Variants in NFIA observed in about 807,000 individuals in gnomAD.
The protein encoded by NFIA is nuclear factor 1 A-type.
A neutral mutation model predicts 62.8 loss-of-function variants in NFIA; 8 were observed. The ratio of observed to expected loss-of-function variants is 0.13; its 90% confidence interval spans 0.07 to 0.23. The LOEUF is 0.23. NFIA is among the 10% of genes least tolerant of loss of function. The pLI, the probability that NFIA is intolerant of heterozygous loss-of-function variation, is 1.00. For synonymous variants in NFIA, 235 were observed against 238.1 expected (o/e 0.99, Z 0.12); for missense variants, 410 against 642.1 (o/e 0.64, Z 3.91).
At chr1:61,311,181 C>T (rs867034378) in intron 3 of NFIA, among the ~76,000 whole-genome samples, 2 of 152,106 alleles carry the variant, frequency 1.3e-5, no homozygotes, top group African/African-American at 2.4e-5. Context: ...CAGCTGAGGT[C>T]GGAAGTTCGA....
At chr1:61,291,001 G>A (rs781140029) in intron 3 of NFIA, among the ~76,000 whole-genome samples, 1 of 152,170 alleles carries the variant, frequency 6.6e-6, no homozygotes, top group Non-Finnish European at 1.5e-5. Context: ...AGCAAAGATG[G>A]TAAATTAAAT....
rs74318539 is a variant in NFIA at position 61,237,227 on chromosome 1, T to A, written c.560-40293T>A. 1.5e-3 allele frequency among the ~76,000 whole-genome samples: 223 copies of A among 152,362 alleles called. 5 individuals are homozygous for A. The East Asian group carries it at 0.038, about 26-fold the overall frequency. ...TGAGAACATCAAACTTACATAGCCA[T>A]GTCGCAAGTCAAAGCACTCTCCCAA... On this transcript the variant is annotated intron_variant, in intron 2 of 10. Transcript: ENST00000403491.
At chr1:61,290,857 C>T (rs1359136183) in intron 3 of NFIA, among the ~76,000 whole-genome samples, 1 of 152,168 alleles carries the variant, frequency 6.6e-6, no homozygotes, top group African/African-American at 2.4e-5. Context: ...TATAAAGCTG[C>T]ACTGGCTGAA....
chr1:61,277,374 T>C lies in NFIA; in HGVS notation c.560-146T>C, dbSNP rs763699513. 6.7e-5 allele frequency: 48 copies of C among 719,192 alleles called. 2 individuals carry two copies. The highest frequency in any genetic ancestry group is 5.3e-4 in the South Asian group (29 of 54,766). The allele number at this position is 719,192 out of a possible 1,614,324, so 44.6% of individuals were successfully genotyped here. ...TCCCTCTCTTTCTTTTCTCTTTCCATCTTTTCTTTTTTTCATGTCTCATGT... is the reference window on the plus strand; with the variant it reads ...TCCCTCTCTTTCTTTTCTCTTTCCACCTTTTCTTTTTTTCATGTCTCATGT... On this transcript the variant is annotated intron_variant, in intron 2 of 10. Coordinates refer to ENST00000403491, the MANE Select transcript of NFIA (RefSeq NM_001134673.4).
chr1:61,393,064 C>T (rs1665063976), intron 7 of NFIA, among the ~76,000 whole-genome samples: 2 of 151,936 alleles, frequency 1.3e-5, no homozygotes, highest in South Asian at 2.1e-4. Context: ...TGGTATCGTA[C>T]GCTTGGACTG....
intron 10 of NFIA, among the ~76,000 whole-genome samples, chr1:61,434,446 C>G (rs1667242881): frequency 6.6e-6 from 1 of 152,178 alleles, no homozygotes. Context: ...CACTTGGCGG[C>G]TGACTCACTG....
At chr1:61,225,122 T>TA (rs925206693) in intron 2 of NFIA, among the ~76,000 whole-genome samples, 1 of 151,992 alleles carries the variant, frequency 6.6e-6, no homozygotes, top group African/African-American at 2.4e-5. Context: ...TTCTATCACT[T>TA]ATATATTTTG....
At chr1:61,449,581 G>T (rs1175681811) in intron 10 of NFIA, among the ~76,000 whole-genome samples, 5 of 152,170 alleles carry the variant, frequency 3.3e-5, no homozygotes, top group Non-Finnish European at 7.3e-5. Context: ...CTGTGCCCAG[G>T]CCTGGCAGGG....
rs116206677 is a variant in NFIA, at chr1:61,403,843, C to G, written c.1076-261C>G. 2.0e-3 allele frequency among the ~76,000 whole-genome samples: 301 copies of G among 152,232 alleles called. 1 individual carries two copies. The highest frequency in any genetic ancestry group is 6.9e-3 in the African/African-American group (288 of 41,544). On this transcript the variant is annotated intron_variant, in intron 7 of 10. Transcript: ENST00000403491. ...AGGTAATGAATAATCTTCAGCCTCA[C>G]CAAGGATTATTAATGCCTTTATAAC... is the stretch of plus-strand genomic sequence containing the variant.
intron 2 of NFIA, among the ~76,000 whole-genome samples, chr1:61,169,136 G>A (rs546833374): frequency 2.3e-4 from 35 of 152,136 alleles, no homozygotes; most frequent in Non-Finnish European, 4.7e-4. Context: ...AGGAAAAAAA[G>A]TCATTTTAGT....
chr1:61,147,299 C>T (rs1019203537), intron 2 of NFIA, among the ~76,000 whole-genome samples: 1 of 152,072 alleles, frequency 6.6e-6, no homozygotes, highest in African/African-American at 2.4e-5. Context: ...TACAGGTGGG[C>T]ACCACCATGC....
intron 3 of NFIA, among the ~76,000 whole-genome samples, chr1:61,319,001 G>A (rs1244476612): frequency 6.6e-6 from 1 of 152,160 alleles, no homozygotes; most frequent in African/African-American, 2.4e-5. Context: ...TGCCCTTTCA[G>A]TAATCATATG....
chr1:61,121,492 A>G (rs1001217858), intron 2 of NFIA, among the ~76,000 whole-genome samples: 8 of 152,224 alleles, frequency 5.3e-5, no homozygotes. Context: ...TTGCCCTGGA[A>G]TTAATTTTCA....
At chr1:61,359,308 C>A (rs1469726312) in intron 6 of NFIA, 34 bp downstream of exon 6, 2 of 1,611,428 alleles carry the variant, frequency 1.2e-6, no homozygotes, top group African/African-American at 1.3e-5. Flanking sequence ...ATGTGGCTAA[C>A]ACTGTGAAAC....
intron 7 of NFIA, among the ~76,000 whole-genome samples, chr1:61,395,837 G>A (rs543958701): frequency 1.3e-5 from 2 of 152,272 alleles, no homozygotes; most frequent in Admixed American, 1.3e-4. Flanking sequence ...AAATATTACA[G>A]TCTCCCCAAA....
At chr1:61,340,416 C>T (rs1003163478) in intron 4 of NFIA, among the ~76,000 whole-genome samples, 2 of 152,144 alleles carry the variant, frequency 1.3e-5, no homozygotes, top group African/African-American at 4.8e-5. Flanking sequence ...CAATATTTAA[C>T]CCCTCTTGGC....
intron 3 of NFIA, among the ~76,000 whole-genome samples, chr1:61,293,735 A>ACAT (rs1275581618): frequency 6.6e-6 from 1 of 152,246 alleles, no homozygotes; most frequent in Non-Finnish European, 1.5e-5. Context: ...CATTCTTAGA[A>ACAT]CATGATGCTC....
At chr1:61,200,032 A>ATATATATATATATG (rs1652336679) in intron 2 of NFIA, among the ~76,000 whole-genome samples, 1 of 83,818 alleles carries the variant, frequency 1.2e-5, no homozygotes, top group African/African-American at 5.5e-5. Context: ...ATATATATAT[A>ATATATATATATATG]TATATATATA....
At chr1:61,271,505 G>A (rs1444033001) in intron 2 of NFIA, among the ~76,000 whole-genome samples, 1 of 152,238 alleles carries the variant, frequency 6.6e-6, no homozygotes, top group East Asian at 1.9e-4. Context: ...ACAGTCTTAA[G>A]TAGGCCTTGA....
Sources: gnomAD v4.1 joint callset for allele counts (sites outside exome capture counted in the v4.1 genomes callset) on GRCh38, gnomAD v4.1.1 for gene constraint, MANE v1.5 for transcripts, NCBI Gene and HGNC (gene_info 2026-07-23, HGNC 2026-07-21) for gene names.